The following SDK1 variants were observed in gnomAD, a reference collection of about 807,000 sequenced individuals.
SDK1 encodes protein sidekick-1.
Under a neutral mutation model 245.5 loss-of-function variants are expected in SDK1, and 157 were observed. The ratio of observed to expected loss-of-function variants is 0.64; its 90% CI spans 0.56 to 0.73. The LOEUF (loss-of-function observed/expected upper bound fraction) is 0.73, where lower values mean the gene tolerates loss of function less well. SDK1 is among the 30% of genes least tolerant of loss of function. The probability of loss-of-function intolerance (pLI) is 0.00; values close to 1 mark genes in which losing one functional copy is unlikely to be tolerated. For missense variants in SDK1, 3,583 were observed against 3,002.3 expected (o/e 1.19, Z -4.52); for synonymous variants, 1,647 against 1,278.5 (o/e 1.29, Z -6.15).
intron 1 of SDK1, among the ~76,000 whole-genome samples, chr7:3,547,465 A>G (rs1057441438): frequency 6.6e-6 from 1 of 152,230 alleles, no homozygotes; most frequent in African/African-American, 2.4e-5. Context: ...TGATTAATAA[A>G]CACGTTGTTA....
chr7:4,059,076 C>G (rs1265312011), intron 19 of SDK1, among the ~76,000 whole-genome samples: 4 of 152,066 alleles, frequency 2.6e-5, no homozygotes, highest in Non-Finnish European at 5.9e-5. Context: ...AGAATAAGCC[C>G]TGACATATCA....
At chr7:3,576,527 C>A (rs1432420881) in intron 1 of SDK1, among the ~76,000 whole-genome samples, 1 of 152,082 alleles carries the variant, frequency 6.6e-6, no homozygotes, top group East Asian at 1.9e-4. Context: ...AGGAACTGAT[C>A]TAGTTCATGG....
chr7:3,755,053 C>A (rs111434007), intron 4 of SDK1, among the ~76,000 whole-genome samples: 24 of 152,148 alleles, frequency 1.6e-4, no homozygotes, highest in Non-Finnish European at 4.4e-5. Context: ...CAAACAGAGG[C>A]TATTTATTCA....
At chr7:3,940,466 C>T (rs574097894) in intron 5 of SDK1, among the ~76,000 whole-genome samples, 10 of 152,288 alleles carry the variant, frequency 6.6e-5, no homozygotes, top group East Asian at 1.9e-4. Flanking sequence ...AATAGCTTCC[C>T]GTTTTATGGC....
At chr7:3,780,847 C>T (rs902197007) in intron 4 of SDK1, among the ~76,000 whole-genome samples, 6 of 152,072 alleles carry the variant, frequency 3.9e-5, no homozygotes, top group Non-Finnish European at 8.8e-5. Flanking sequence ...CCCAATGACC[C>T]CACCCTAGCC....
intron 1 of SDK1, among the ~76,000 whole-genome samples, chr7:3,304,063 C>A (rs1768051859): frequency 6.6e-6 from 1 of 152,144 alleles, no homozygotes; most frequent in Non-Finnish European, 1.5e-5. Context: ...AAAAAACGTG[C>A]GACATTGATC....
chr7:3,608,076 A>C (rs1450751277), intron 1 of SDK1, among the ~76,000 whole-genome samples: 2 of 152,224 alleles, frequency 1.3e-5, no homozygotes, highest in Non-Finnish European at 1.5e-5. Flanking sequence ...GCGTATCCCG[A>C]GGCAGTGGTG....
At chr7:3,904,454 G>A (rs930229460) in intron 5 of SDK1, among the ~76,000 whole-genome samples, 1 of 152,106 alleles carries the variant, frequency 6.6e-6, no homozygotes, top group Non-Finnish European at 1.5e-5. Context: ...TGCACTTTGG[G>A]AGGCTGAGGT....
At chr7:3,342,329 C>G (rs1172705059) in intron 1 of SDK1, among the ~76,000 whole-genome samples, 1 of 152,182 alleles carries the variant, frequency 6.6e-6, no homozygotes, top group Non-Finnish European at 1.5e-5. Flanking sequence ...TGGCTCATGC[C>G]TGTAATCCCA....
intron 4 of SDK1, among the ~76,000 whole-genome samples, chr7:3,763,715 A>G (rs1169042741): frequency 6.6e-6 from 1 of 152,142 alleles, no homozygotes; most frequent in Non-Finnish European, 1.5e-5. Flanking sequence ...TTACCTTTTT[A>G]GGGGTGGTGG....
At chr7:4,069,822 C>T (rs1198272656) in intron 20 of SDK1, among the ~76,000 whole-genome samples, 3 of 152,212 alleles carry the variant, frequency 2.0e-5, no homozygotes, top group East Asian at 1.9e-4. Flanking sequence ...TCTCAGCAAC[C>T]ACACAAGGGG....
intron 4 of SDK1, among the ~76,000 whole-genome samples, chr7:3,644,103 A>G (rs947400060): frequency 1.3e-5 from 2 of 150,764 alleles, no homozygotes; most frequent in Admixed American, 6.6e-5. Flanking sequence ...AGGTTTTACC[A>G]TGTGTCCAGG....
intron 1 of SDK1, among the ~76,000 whole-genome samples, chr7:3,499,219 C>T (rs939065763): frequency 4.6e-5 from 7 of 152,114 alleles, no homozygotes; most frequent in South Asian, 2.1e-4. Flanking sequence ...GACATCTTTC[C>T]GGATTCATTT....
In SDK1 at chr7:4,024,000, G is replaced by C. The variant is rs17134185; in HGVS notation, c.2602+6648G>C. ...ACGCAGATGTTGGTTTTTCTAGAAGGGGTCCAGAGACAAATTATGCTATAA... is the reference window on the plus strand; with the variant it reads ...ACGCAGATGTTGGTTTTTCTAGAAGCGGTCCAGAGACAAATTATGCTATAA... On this transcript the variant is annotated intron_variant, in intron 17 of 44. Transcript: ENST00000404826. Among the ~76,000 whole-genome samples, 1,116 of 152,150 alleles carry C rather than the reference G, an allele frequency of 7.3e-3. 11 individuals carry two copies. The highest frequency in any genetic ancestry group is 0.025 in the African/African-American group (1,040 of 41,534).
At chr7:3,633,244 TC>T (rs1190472396) in intron 2 of SDK1, among the ~76,000 whole-genome samples, 3 of 151,954 alleles carry the variant, frequency 2.0e-5, no homozygotes, top group African/African-American at 4.8e-5. Flanking sequence ...ATATTGACAG[TC>T]CCCCCACCAC....
rs554238421 is a variant in SDK1, at chr7:3,800,872, C to G, written c.714-20578C>G. Among the ~76,000 whole-genome samples, 14 of 152,286 alleles carry G rather than the reference C, an allele frequency of 9.2e-5. 1 individual carries two copies. The South Asian group carries it at 2.3e-3, about 25-fold the overall frequency. ...TTGGAAGCCCGGGTATACCAGCAGC[C>G]TGGCCCAGTTTTTGTCTTGGCCTAG... On this transcript the variant is annotated intron_variant, in intron 4 of 44. Transcript: ENST00000404826.
At chr7:3,311,900 C>T (rs986006007) in intron 1 of SDK1, among the ~76,000 whole-genome samples, 1 of 152,196 alleles carries the variant, frequency 6.6e-6, no homozygotes, top group Non-Finnish European at 1.5e-5. Context: ...TGAATACACG[C>T]CCCAATGGCT....
intron 1 of SDK1, among the ~76,000 whole-genome samples, chr7:3,371,068 A>G (rs1448982790): frequency 3.3e-5 from 5 of 152,302 alleles, no homozygotes; most frequent in African/African-American, 9.6e-5. Context: ...TTTCGTGTAC[A>G]ACATATGATA....
intron 1 of SDK1, among the ~76,000 whole-genome samples, chr7:3,444,497 G>C (rs1780289425): frequency 6.6e-6 from 1 of 152,120 alleles, no homozygotes; most frequent in Admixed American, 6.5e-5. Context: ...CTAAAAAGAG[G>C]AACTATTTTC....
Sources: gnomAD v4.1 joint callset for allele counts (sites outside exome capture counted in the v4.1 genomes callset) on GRCh38, gnomAD v4.1.1 for gene constraint, MANE v1.5 for transcripts, NCBI Gene and HGNC (gene_info 2026-07-23, HGNC 2026-07-21) for gene names.